DSCAM: variants seen among roughly 807,000 people sequenced by gnomAD.
DSCAM encodes the protein cell adhesion molecule DSCAM.
In DSCAM, 47 loss-of-function variants were observed where a neutral mutation model predicts 217.7. The observed-to-expected ratio is 0.22, with a 90% CI of 0.17 to 0.28. The LOEUF is 0.28. Ranked by LOEUF, DSCAM falls within the 10% of genes least tolerant of loss-of-function variation. The probability of loss-of-function intolerance (pLI) is 1.00; values close to 1 mark genes in which losing one functional copy is unlikely to be tolerated. For synonymous variants in DSCAM, 1,056 were observed against 1,015.3 expected (o/e 1.04, Z -0.76); for missense variants, 2,080 against 2,618.3 (o/e 0.79, Z 4.49).
chr21:40,673,897 A>G (rs2090306946), intron 3 of DSCAM, among the ~76,000 whole-genome samples: 1 of 152,192 alleles, frequency 6.6e-6, no homozygotes. Context: ...AGCCGGTTAA[A>G]TCTCTTTTCC....
chr21:40,468,505 A>C (rs1373832541), intron 3 of DSCAM, among the ~76,000 whole-genome samples: 5 of 152,170 alleles, frequency 3.3e-5, no homozygotes, highest in Non-Finnish European at 5.9e-5. Context: ...GTCAGGGAGT[A>C]AATGGAAAAA....
Position 40,385,744 on chromosome 21 carries a change from C to T in DSCAM, c.509-16499G>A, listed in dbSNP as rs79088677. 2.3e-3 allele frequency among the ~76,000 whole-genome samples: 343 copies of T among 152,258 alleles called. 2 individuals are homozygous for T. The highest frequency in any genetic ancestry group is 7.7e-3 in the African/African-American group (318 of 41,550). The stretch of plus-strand genomic sequence containing the variant: ...GCTCACTTTGTAAGCTTCTCGTCCC[C>T]CTCTGACAGCTCTTTGCAATGCTTT... On this transcript the variant is annotated intron_variant, in intron 3 of 32. Coordinates refer to ENST00000400454, the MANE Select transcript of DSCAM (RefSeq NM_001389.5).
At chr21:40,799,250 T>C (rs1455291557) in intron 1 of DSCAM, among the ~76,000 whole-genome samples, 1 of 152,200 alleles carries the variant, frequency 6.6e-6, no homozygotes, top group Non-Finnish European at 1.5e-5. Context: ...GGGTAGGTGA[T>C]GCTTCCTCTC....
At chr21:40,695,787 T>C (rs939961038) in intron 2 of DSCAM, among the ~76,000 whole-genome samples, 1 of 152,188 alleles carries the variant, frequency 6.6e-6, no homozygotes, top group Non-Finnish European at 1.5e-5. Flanking sequence ...AGAATATACA[T>C]GTATGCACAT....
At chr21:40,520,883 T>C (rs1481628087) in intron 3 of DSCAM, among the ~76,000 whole-genome samples, 1 of 152,180 alleles carries the variant, frequency 6.6e-6, no homozygotes, top group East Asian at 1.9e-4. Flanking sequence ...AATCATTGTA[T>C]TTGAGTTAGC....
rs115625251 is a variant in DSCAM at position 40,451,366 on chromosome 21, A to G, written c.509-82121T>C. 7.4e-3 allele frequency among the ~76,000 whole-genome samples: 1,122 copies of G among 152,326 alleles called. 19 individuals are homozygous for G. Among genetic ancestry groups the G allele is most frequent in the African/African-American group, 0.026 (1,076 of 41,570 alleles). ...TTTGAATGAAACATAAATCTTTATA[A>G]AAAGATTAGTGGGGCTGCTTTAATG... On this transcript the variant is annotated intron_variant, in intron 3 of 32. Transcript: ENST00000400454.
At chr21:40,606,971 T>C (rs933013834) in intron 3 of DSCAM, among the ~76,000 whole-genome samples, 34 of 152,226 alleles carry the variant, frequency 2.2e-4, no homozygotes, top group African/African-American at 8.2e-4. Flanking sequence ...AAAACATGAC[T>C]TGGTCCTCCT....
chr21:40,097,940 CAAA>C (rs1311731207), intron 20 of DSCAM, among the ~76,000 whole-genome samples: 3 of 10,122 alleles, frequency 3.0e-4, no homozygotes, highest in Non-Finnish European at 3.3e-4. Flanking sequence ...GACTCTGTCT[CAAA>C]AAAAAAAAAA....
rs753915774 is a variant in DSCAM, at chr21:40,042,541, A to G, written c.5516T>C (p.Ile1839Thr). The change falls in exon 32 of 33, where the codon ATA becomes ACA. Residue 1839 changes from isoleucine to threonine, a missense_variant. Ile to Thr is a moderately conservative substitution (Grantham distance 89, BLOSUM62 -1). This residue lies in a region of DSCAM where 1,144 missense variants were observed against 1,421.1 expected (regional missense o/e 0.81). Transcript: ENST00000400454. ...CAACTGCTCCGATGACGTGTCTGAT[A>G]TGAAGCACTCCGTGATGGTGAACTT... ...HAKFTITECFISDTSSEQLTA... is the reference protein window; with the variant it reads ...HAKFTITECFTSDTSSEQLTA... 1.9e-6 allele frequency: 3 copies of G among 1,614,074 alleles called. No homozygotes were observed. The highest frequency in any genetic ancestry group is 2.7e-5 in the African/African-American group (2 of 74,930).
intron 11 of DSCAM, among the ~76,000 whole-genome samples, chr21:40,272,363 A>G (rs1314110389): frequency 6.6e-6 from 1 of 152,180 alleles, no homozygotes; most frequent in East Asian, 1.9e-4. Context: ...AGAGCTGGAA[A>G]GATTTGCATG....
At chr21:40,243,451 A>G (rs2837530) in intron 11 of DSCAM, among the ~76,000 whole-genome samples, 79,157 of 152,018 alleles carry the variant, frequency 0.52, 21,839 homozygotes, top group African/African-American at 0.7. Flanking sequence ...TTTAACAAGA[A>G]TATTTTCACA....
chr21:40,215,527 C>T (rs897542055), intron 11 of DSCAM, among the ~76,000 whole-genome samples: 6 of 151,908 alleles, frequency 3.9e-5, no homozygotes, highest in Non-Finnish European at 4.4e-5. Context: ...AACTGGGGGC[C>T]GTTATTCTAA....
chr21:40,149,219 A>G (rs2090393211), intron 16 of DSCAM, among the ~76,000 whole-genome samples: 2 of 151,884 alleles, frequency 1.3e-5, no homozygotes, highest in African/African-American at 2.4e-5. Flanking sequence ...CCATCATTCC[A>G]TCACTATCCC....
intron 3 of DSCAM, among the ~76,000 whole-genome samples, chr21:40,664,048 G>A (rs77696499): frequency 0.014 from 2,178 of 152,180 alleles, 69 homozygotes; most frequent in African/African-American, 0.049. Flanking sequence ...AAGTCTAGTC[G>A]AGCTACAACA....
chr21:40,304,937 A>AATG (rs1335961898), intron 9 of DSCAM, among the ~76,000 whole-genome samples: 2 of 152,304 alleles, frequency 1.3e-5, no homozygotes, highest in East Asian at 3.9e-4. Flanking sequence ...ACATAATAAT[A>AATG]ATGATAAAGT....
chr21:40,485,237 C>CTTT (rs59901955), intron 3 of DSCAM, among the ~76,000 whole-genome samples: 42 of 108,142 alleles, frequency 3.9e-4, no homozygotes, highest in East Asian at 1.0e-3. Context: ...GACTTTCTTT[C>CTTT]TTTTTTTTTT....
rs981833258 is a variant in DSCAM at position 40,676,346 on chromosome 21, C to T, written c.508+16464G>A. 7.2e-5 allele frequency among the ~76,000 whole-genome samples: 11 copies of T among 152,244 alleles called. No homozygotes were observed. The South Asian group carries it at 1.9e-3, about 26-fold the overall frequency. The stretch of plus-strand genomic sequence containing the variant: ...CCTATCAAAGTCATGCATCAGGCCT[C>T]GCGGAGCCCAGAGGTTCTGCATGTT... On this transcript the variant is annotated intron_variant, in intron 3 of 32. Coordinates refer to ENST00000400454, the MANE Select transcript of DSCAM (RefSeq NM_001389.5).
At position 40,440,697 on chromosome 21, in the gene DSCAM, C is replaced by T. The variant is rs531172047; in HGVS notation, c.509-71452G>A. ...GGGTAATCACAAATGTTAAAGACTC[C>T]GAAGTCCAAAGGCCCAGGTCTGAGT... On this transcript the variant is annotated intron_variant, in intron 3 of 32. Transcript: ENST00000400454. Among the ~76,000 whole-genome samples the T allele has an allele frequency of 9.5e-5, 2 of 21,034 alleles. 1 individual carries two copies. Among genetic ancestry groups the T allele is most frequent in the Non-Finnish European group, 2.4e-4 (2 of 8,262 alleles). The allele number at this position is 21,034 out of a possible 152,430, so 13.8% of individuals were successfully genotyped here.
At chr21:40,545,305 C>T (rs2076573145) in intron 3 of DSCAM, among the ~76,000 whole-genome samples, 1 of 152,166 alleles carries the variant, frequency 6.6e-6, no homozygotes, top group Non-Finnish European at 1.5e-5. Context: ...TATTCTGTGA[C>T]AGCAGCCTGA....
Sources: allele counts gnomAD v4.1 joint callset (sites outside exome capture counted in the v4.1 genomes callset), GRCh38; gene constraint gnomAD v4.1.1; regional missense constraint gnomAD v4.1.1; transcripts MANE v1.5; gene names NCBI Gene and HGNC (gene_info 2026-07-23, HGNC 2026-07-21).